The following RRM1 variants were observed in gnomAD, a reference collection of about 807,000 sequenced individuals.
RRM1 encodes ribonucleoside-diphosphate reductase large subunit.
In RRM1, 19 loss-of-function variants were observed where a neutral mutation model predicts 101.5. The observed-to-expected ratio is 0.19, with a 90% CI of 0.13 to 0.27. The LOEUF (loss-of-function observed/expected upper bound fraction) is 0.27. RRM1 is among the 10% of genes least tolerant of loss of function. The probability of loss-of-function intolerance (pLI) is 1.00; values close to 1 mark genes in which losing one functional copy is unlikely to be tolerated. For missense variants in RRM1, 500 were observed against 962.9 expected (o/e 0.52, Z 6.36); for synonymous variants, 298 against 323.4 (o/e 0.92, Z 0.84).
Position 4,132,432 on chromosome 11 carries a change from C to T in RRM1, c.1905+11C>T, listed in dbSNP as rs747699548. ...TCAGGAGAATTTCAGGTGAGCAGTTCACAACCAGCCTTACAGGGAGATCTT... is the reference window on the plus strand; with the variant it reads ...TCAGGAGAATTTCAGGTGAGCAGTTTACAACCAGCCTTACAGGGAGATCTT... On this transcript the variant is annotated intron_variant, in intron 16 of 18. Coordinates refer to ENST00000300738, the MANE Select transcript of RRM1 (RefSeq NM_001033.5). The surrounding 1 kb of genome is among the most constrained non-coding windows in gnomAD (Gnocchi z 4.1). 13 of 1,613,744 alleles carry T rather than the reference C, an allele frequency of 8.1e-6. No individual in the cohort carries two copies. Among genetic ancestry groups the T allele is most frequent in the African/African-American group, 2.7e-5 (2 of 74,926 alleles).
chr11:4,112,602 G>A (rs1371109819), intron 7 of RRM1, among the ~76,000 whole-genome samples: 1 of 152,168 alleles, frequency 6.6e-6, no homozygotes, highest in Non-Finnish European at 1.5e-5. Context: ...GACCTCAGGT[G>A]ATCCACCCGC....
chr11:4,110,842 C>T (rs1012252539), intron 5 of RRM1, among the ~76,000 whole-genome samples: 15 of 151,772 alleles, frequency 9.9e-5, no homozygotes, highest in African/African-American at 3.1e-4. Flanking sequence ...TCATTTAATC[C>T]GCTGAGGAAT....
At chr11:4,123,937 A>G (rs1157690693) in intron 12 of RRM1, among the ~76,000 whole-genome samples, 1 of 152,240 alleles carries the variant, frequency 6.6e-6, no homozygotes, top group Non-Finnish European at 1.5e-5. Flanking sequence ...AGAAGAATCA[A>G]GGCTAGAAAT....
At chr11:4,111,342 C>T (rs916569382) in intron 5 of RRM1, among the ~76,000 whole-genome samples, 24 of 149,430 alleles carry the variant, frequency 1.6e-4, no homozygotes, top group Non-Finnish European at 3.1e-4. Flanking sequence ...ACCCGGGAGG[C>T]AGAGCTTGCA....
intron 2 of RRM1, among the ~76,000 whole-genome samples, chr11:4,104,261 T>C (rs1261262805): frequency 6.6e-6 from 1 of 152,230 alleles, no homozygotes; most frequent in Non-Finnish European, 1.5e-5. Context: ...CCTTATCTGC[T>C]GGATCTGGGA....
chr11:4,111,790 T>A, intron 6 of RRM1, 110 bp from the exon 7 acceptor site: 1 of 1,230,688 alleles, frequency 8.1e-7, no homozygotes. Flanking sequence ...TGTTTATTAG[T>A]ATAAAGTTTT....
intron 3 of RRM1, 36 bp downstream of exon 3, chr11:4,106,259 C>T: frequency 6.6e-7 from 1 of 1,521,536 alleles, no homozygotes; most frequent in African/African-American, 1.4e-5. Context: ...ATTTAGTACT[C>T]TCAGAAAAGT....
chr11:4,106,012 A>G, intron 2 of RRM1, 34 bp from the exon 3 acceptor site: 5 of 1,580,588 alleles, frequency 3.2e-6, no homozygotes, highest in Admixed American at 1.8e-5. Flanking sequence ...GTTTCTTGGG[A>G]AAGCTCAAGT....
intron 5 of RRM1, among the ~76,000 whole-genome samples, chr11:4,111,232 C>A (rs1270630146): frequency 4.0e-5 from 6 of 151,162 alleles, no homozygotes; most frequent in Non-Finnish European, 5.9e-5. Context: ...ATGACGAAAC[C>A]CTGTCTCTAC....
chr11:4,138,310 A>AGAAGGGAG lies in RRM1; in HGVS notation c.2311_2312insGAGGAAGG (p.Glu771GlyfsTer21). On this transcript the variant is annotated frameshift_variant, in exon 19 of 19. Coordinates refer to ENST00000300738, the MANE Select transcript of RRM1 (RefSeq NM_001033.5). LOFTEE classifies it high-confidence loss of function. The stretch of plus-strand genomic sequence containing the variant: ...GAAAAGGTATCAAAAGAGGAAGAAG[A>AGAAGGGAG]GAAGGAGAGGAACACAGCAGCCATG... 6.2e-7 allele frequency: 1 copy of AGAAGGGAG among 1,613,078 alleles called. No homozygotes were observed.
At chr11:4,109,913 C>T (rs1415303831) in intron 5 of RRM1, among the ~76,000 whole-genome samples, 2 of 152,132 alleles carry the variant, frequency 1.3e-5, no homozygotes, top group African/African-American at 4.8e-5. Flanking sequence ...CCACATATTA[C>T]TTCTGGATTA....
rs555708865 is a variant in RRM1 at position 4,136,841 on chromosome 11, ACAATAGTAGAGGGAGGGT to A, written c.2191-1351_2191-1334del. 3.1e-4 allele frequency among the ~76,000 whole-genome samples: 47 copies of A among 151,800 alleles called. No homozygotes were observed. The South Asian group carries it at 8.9e-3, about 29-fold the overall frequency. ...GAGGGGGATTTGGCAGGGTCATAGG[ACAATAGTAGAGGGAGGGT>A]CAGCAGATAAACAAGTGAACAAAGG... is the stretch of plus-strand genomic sequence containing the variant. On this transcript the variant is annotated intron_variant, in intron 18 of 18. Transcript: ENST00000300738.
In RRM1 at chr11:4,116,978, AAAG is replaced by A. The variant is rs1421489422; in HGVS notation, c.651-1339_651-1337del. ...TTAAACCCTGTCTCAAAAAAAAAGA[AAAG>A]AAAAGAAAAGAAAAACAGAAAGCCA... On this transcript the variant is annotated intron_variant, in intron 7 of 18. Transcript: ENST00000300738. Among the ~76,000 whole-genome samples the A allele has an allele frequency of 7.0e-3, 1,070 of 152,162 alleles. 9 individuals carry two copies. Among genetic ancestry groups the A allele is most frequent in the African/African-American group, 0.024 (1,006 of 41,494 alleles).
At chr11:4,120,227 C>T (rs1446337558) in intron 9 of RRM1, among the ~76,000 whole-genome samples, 1 of 152,180 alleles carries the variant, frequency 6.6e-6, no homozygotes, top group Admixed American at 6.5e-5. Context: ...CACCCCTACC[C>T]ACACATACTT....
chr11:4,114,279 C>T (rs764907449), intron 7 of RRM1, among the ~76,000 whole-genome samples: 1 of 151,930 alleles, frequency 6.6e-6, no homozygotes, highest in Admixed American at 6.6e-5. Flanking sequence ...CCTGGCTGGG[C>T]GTGGTGGGTC....
rs2094590159 is a variant in RRM1, at chr11:4,126,726, G to A, written c.1363G>A (p.Val455Ile). 6.2e-7 allele frequency: 1 copy of A among 1,613,608 alleles called. No individual in the cohort carries two copies. The highest frequency in any genetic ancestry group is 1.1e-5 in the South Asian group (1 of 90,952). The stretch of plus-strand genomic sequence containing the variant: ...GGCTTCCCTGGCCCTGAATATGTAT[G>A]TCACATCAGAACACACATACGACTT... ...NLASLALNMY[V>I]TSEHTYDFKK... is the part of the protein sequence containing the mutation. The change falls in exon 13 of 19, where the codon GTC (valine) becomes ATC (isoleucine). Residue 455 changes from valine (V) to isoleucine (I), a missense_variant. Coordinates refer to ENST00000300738, the MANE Select transcript of RRM1 (RefSeq NM_001033.5).
At chr11:4,123,562 A>C (rs768577113) in intron 12 of RRM1, among the ~76,000 whole-genome samples, 178 bp downstream of exon 12, 3 of 152,218 alleles carry the variant, frequency 2.0e-5, no homozygotes, top group Non-Finnish European at 4.4e-5. Flanking sequence ...TGTGCCTATA[A>C]ATGTTTTTTA....
At chr11:4,136,734 T>TTTTG (rs141754906) in intron 18 of RRM1, among the ~76,000 whole-genome samples, 1 of 148,186 alleles carries the variant, frequency 6.7e-6, no homozygotes, top group East Asian at 2.0e-4. Context: ...GAATGTATTT[T>TTTTG]TTTGTTTGTT....
At position 4,106,029 on chromosome 11, in the gene RRM1, TG is replaced by T. The variant is rs766136115; in HGVS notation, c.109-15del. ...TTCTTGGGAAAGCTCAAGTAATTCT[TG>T]GTTTTATTTTTGTAGGCTCAGATCA... On this transcript the variant is annotated splice_polypyrimidine_tract_variant and intron_variant, in intron 2 of 18. Coordinates refer to ENST00000300738, the MANE Select transcript of RRM1 (RefSeq NM_001033.5). 8 of 1,601,594 alleles carry T rather than the reference TG, an allele frequency of 5.0e-6. No homozygotes were observed. In the African/African-American group the frequency reaches 1.1e-4, roughly 22 times the overall value.
Sources: allele counts gnomAD v4.1 joint callset (sites outside exome capture counted in the v4.1 genomes callset), GRCh38; gene constraint gnomAD v4.1.1; non-coding constraint Gnocchi (gnomAD v3.1); transcripts MANE v1.5; gene names NCBI Gene and HGNC (gene_info 2026-07-23, HGNC 2026-07-21).